The following CASD1 variants were observed in gnomAD, a reference collection of about 807,000 sequenced individuals.
CASD1 encodes CAS1 domain sialic acid O acetyltransferase 1.
Under a neutral mutation model 100.0 loss-of-function variants are expected in CASD1, and 41 were observed. The observed-to-expected ratio is 0.41, with a 90% CI of 0.32 to 0.53. The LOEUF (loss-of-function observed/expected upper bound fraction) is 0.53, where lower values mean the gene tolerates loss of function less well. CASD1 is among the 20% of genes least tolerant of loss of function. The pLI is 0.25. For missense variants in CASD1, 774 were observed against 948.7 expected (o/e 0.82, Z 2.42); for synonymous variants, 321 against 315.6 (o/e 1.02, Z -0.18).
At chr7:94,540,028 A>G (rs946441446) in intron 10 of CASD1, among the ~76,000 whole-genome samples, 1 of 151,908 alleles carries the variant, frequency 6.6e-6, no homozygotes, top group African/African-American at 2.4e-5. Context: ...TTCCTTCTCC[A>G]TGGGTGTCTT....
the CASD1 span, among the ~76,000 whole-genome samples, chr7:94,592,828 A>G: frequency 6.6e-6 from 1 of 152,200 alleles, no homozygotes; most frequent in African/African-American, 2.4e-5. Flanking sequence ...TGATTTGCAT[A>G]AAGCCACAGA....
At chr7:94,534,421 A>C (rs992006176) in intron 7 of CASD1, among the ~76,000 whole-genome samples, 2 of 152,104 alleles carry the variant, frequency 1.3e-5, no homozygotes, top group Admixed American at 6.6e-5. Context: ...CCTGCTTCAT[A>C]ATATTAATAA....
chr7:94,588,686 C>CA, the CASD1 span: 1 of 1,590,588 alleles, frequency 6.3e-7, no homozygotes, highest in South Asian at 1.1e-5. Flanking sequence ...TCTTAGCACT[C>CA]ACCTGTAGTC....
chr7:94,586,313 G>T, the CASD1 span, among the ~76,000 whole-genome samples: 1 of 151,936 alleles, frequency 6.6e-6, no homozygotes, highest in African/African-American at 2.4e-5. Context: ...CAGGGTAAAA[G>T]AAAAGAAAAG....
chr7:94,522,563 A>G (rs1794334966), intron 3 of CASD1, among the ~76,000 whole-genome samples: 1 of 152,232 alleles, frequency 6.6e-6, no homozygotes, highest in South Asian at 2.1e-4. Flanking sequence ...AACATGCTTG[A>G]TTCTGTAAGC....
At chr7:94,595,508 C>T in the CASD1 span, among the ~76,000 whole-genome samples, 1 of 151,970 alleles carries the variant, frequency 6.6e-6, no homozygotes, top group Admixed American at 6.6e-5. Context: ...AATGCATGCC[C>T]TTATAGGAAG....
chr7:94,545,561 A>G lies in CASD1; in HGVS notation c.1493A>G (p.Asn498Ser). The G allele has an allele frequency of 6.2e-7, 1 of 1,601,922 alleles. No homozygotes were observed. The highest frequency in any genetic ancestry group is 8.5e-7 in the Non-Finnish European group (1 of 1,173,072). Reference sequence around the variant, plus strand: ...TTTCAATAGGTTTTATTTCGTCTCAATTTCCTGGTAGTGGTGTTATGTATA... The same window carrying G: ...TTTCAATAGGTTTTATTTCGTCTCAGTTTCCTGGTAGTGGTGTTATGTATA... Reference protein sequence around the residue: ...YRVCQVLFRLNFLVVVLCIVM... With the variant: ...YRVCQVLFRLSFLVVVLCIVM... Residue 498 changes from asparagine to serine, a missense_variant, in exon 12 of 18, where the codon AAT (asparagine) becomes AGT (serine). Around this residue, in one of 5 missense-constraint regions of CASD1, gnomAD observed 453 missense variants for 532.6 expected, o/e 0.85. Coordinates refer to ENST00000297273, the MANE Select transcript of CASD1 (RefSeq NM_022900.5).
chr7:94,547,137 T>G lies in CASD1; in HGVS notation c.1675T>G (p.Phe559Val). The change falls in exon 13 of 18, where the codon TTT becomes GTT. Residue 559 changes from phenylalanine to valine, a missense_variant. Phe to Val is a conservative substitution (Grantham distance 50, BLOSUM62 -1). This residue lies in a region of CASD1 where 453 missense variants were observed against 532.6 expected (regional missense o/e 0.85). Transcript: ENST00000297273. ...TTTTGGCTTACTGTTGAAACTAGGCTTTTTGCTGTTATTCATATGTTTTTT... is the reference window on the plus strand; with the variant it reads ...TTTTGGCTTACTGTTGAAACTAGGCGTTTTGCTGTTATTCATATGTTTTTT... ...WHFGLLLKLG[F>V]LLLFICFLAY... The G allele has an allele frequency of 6.3e-7, 1 of 1,595,238 alleles. No homozygotes were observed. The highest frequency in any genetic ancestry group is 8.5e-7 in the Non-Finnish European group (1 of 1,170,270).
chr7:94,597,530 G>C, the CASD1 span: 1 of 151,814 alleles, frequency 6.6e-6, no homozygotes, highest in East Asian at 1.9e-4. Flanking sequence ...TATCCTAAGG[G>C]GTGTGTATGT....
the CASD1 span, among the ~76,000 whole-genome samples, chr7:94,576,438 T>C: frequency 2.0e-5 from 3 of 152,240 alleles, no homozygotes; most frequent in African/African-American, 7.2e-5. Flanking sequence ...GCTGTATTTA[T>C]GGTATTTATT....
At chr7:94,551,614 A>C (rs1283433991) in intron 15 of CASD1, 136 bp downstream of exon 15, 15 of 337,880 alleles carry the variant, frequency 4.4e-5, no homozygotes, top group Non-Finnish European at 6.9e-5. Context: ...AAATTTTAAT[A>C]CTTCTCTCCC....
chr7:94,563,623 T>C, the CASD1 span, among the ~76,000 whole-genome samples: 1 of 152,140 alleles, frequency 6.6e-6, no homozygotes, highest in Admixed American at 6.6e-5. Flanking sequence ...ATTTTTTGTT[T>C]TATCAAATCC....
chr7:94,523,019 T>C (rs931464565), intron 3 of CASD1, among the ~76,000 whole-genome samples: 2 of 152,206 alleles, frequency 1.3e-5, no homozygotes, highest in African/African-American at 4.8e-5. Context: ...TATCAGAGAA[T>C]TGGTGTCATT....
chr7:94,547,941 GT>G lies in CASD1; in HGVS notation c.1713+776del, dbSNP rs911744710. On this transcript the variant is annotated intron_variant, in intron 13 of 17. Coordinates refer to ENST00000297273, the MANE Select transcript of CASD1 (RefSeq NM_022900.5). ...GTATGTATAATCCTATGCCGTTTGGGTTTTTTTTTTCTTTTTGTAGACTTTT... is the reference window on the plus strand; with the variant it reads ...GTATGTATAATCCTATGCCGTTTGGGTTTTTTTTTCTTTTTGTAGACTTTT... Among the ~76,000 whole-genome samples, 229 of 148,826 alleles carry G rather than the reference GT, an allele frequency of 1.5e-3. 1 individual carries two copies. Among genetic ancestry groups the G allele is most frequent in the Admixed American group, 7.9e-3 (118 of 14,894 alleles).
chr7:94,551,525 A>G, intron 15 of CASD1, 47 bp downstream of exon 15: 1 of 797,118 alleles, frequency 1.3e-6, no homozygotes, highest in Non-Finnish European at 1.8e-6. Flanking sequence ...TGGAATATTA[A>G]CATTAAGATA....
At chr7:94,588,968 G>A in the CASD1 span, 2 of 532,540 alleles carry the variant, frequency 3.8e-6, no homozygotes, top group Non-Finnish European at 6.8e-6. Context: ...ATACTCTAAA[G>A]TACCTCACAA....
intron 5 of CASD1, among the ~76,000 whole-genome samples, chr7:94,532,342 G>C (rs1381350668): frequency 6.6e-6 from 1 of 151,932 alleles, no homozygotes; most frequent in Non-Finnish European, 1.5e-5. Flanking sequence ...TGAGCTTTGG[G>C]GTCATTATTG....
intron 1 of CASD1, among the ~76,000 whole-genome samples, chr7:94,511,592 T>A (rs994749232): frequency 3.9e-5 from 6 of 152,194 alleles, no homozygotes; most frequent in African/African-American, 1.4e-4. Flanking sequence ...TGTTGATGCA[T>A]TGATTTGTGG....
At chr7:94,567,296 G>A in the CASD1 span, among the ~76,000 whole-genome samples, 1 of 151,992 alleles carries the variant, frequency 6.6e-6, no homozygotes, top group Admixed American at 6.6e-5. Context: ...TTTCTAACAT[G>A]TTGAAATGGC....
Sources: gnomAD v4.1 joint callset for allele counts (sites outside exome capture counted in the v4.1 genomes callset) on GRCh38, gnomAD v4.1.1 for gene constraint, gnomAD v4.1.1 regional missense constraint, MANE v1.5 for transcripts, NCBI Gene and HGNC (gene_info 2026-07-23, HGNC 2026-07-21) for gene names.